Variants in SDK2 observed in about 807,000 individuals in gnomAD.
SDK2 encodes the protein sidekick cell adhesion molecule 2.
Under a neutral mutation model 253.9 loss-of-function variants are expected in SDK2, and 105 were observed. The observed-to-expected ratio is 0.41, with a 90% CI of 0.35 to 0.49. The LOEUF (loss-of-function observed/expected upper bound fraction) is 0.49, where lower values mean the gene tolerates loss of function less well. Among genes scored for constraint, SDK2 ranks in the 20% least tolerant of loss-of-function variants. The pLI is 0.06. For missense variants in SDK2, 2,608 were observed against 3,003.0 expected, an observed-to-expected ratio of 0.87 and a Z score of 3.07; for synonymous variants, 1,249 against 1,234.9, an observed-to-expected ratio of 1.01 and a Z score of -0.24.
In SDK2 at chr17:73,425,994, T is replaced by C. The variant is rs118060723; in HGVS notation, c.1584-1902A>G. Among the ~76,000 whole-genome samples the C allele has an allele frequency of 8.8e-3, 1,339 of 152,234 alleles. 59 individuals carry two copies. In the East Asian group the frequency reaches 0.1, roughly 11 times the overall value. On this transcript the variant is annotated intron_variant, in intron 12 of 44. Coordinates refer to ENST00000392650, the MANE Select transcript of SDK2 (RefSeq NM_001144952.2). The stretch of plus-strand genomic sequence containing the variant: ...GTTACATATTTTAAATGATACAGTA[T>C]ATTTACATGAATGGTATACAGCAAT...
intron 44 of SDK2, among the ~76,000 whole-genome samples, chr17:73,342,107 C>T (rs1218536573): frequency 6.6e-6 from 1 of 151,806 alleles, no homozygotes; most frequent in Non-Finnish European, 1.5e-5. Context: ...CCCCGACTCC[C>T]AGCAGGAATT....
chr17:73,355,086 A>G (rs1354032807), intron 40 of SDK2, among the ~76,000 whole-genome samples: 1 of 145,648 alleles, frequency 6.9e-6, no homozygotes, highest in African/African-American at 2.6e-5. Flanking sequence ...GTCCTTGCAG[A>G]AGGCTCCGGG....
At chr17:73,479,529 G>A (rs1037478985) in intron 2 of SDK2, among the ~76,000 whole-genome samples, 1 of 152,072 alleles carries the variant, frequency 6.6e-6, no homozygotes, top group African/African-American at 2.4e-5. Flanking sequence ...CTCTGTCCAG[G>A]GCGATCAAAA....
intron 15 of SDK2, among the ~76,000 whole-genome samples, chr17:73,419,572 CT>C (rs1267026168): frequency 6.6e-6 from 1 of 151,822 alleles, no homozygotes; most frequent in African/African-American, 2.4e-5. Flanking sequence ...ATGTATATGT[CT>C]TTTAAAAACT....
chr17:73,401,318 T>C (rs1290026848), intron 20 of SDK2, 107 bp from the exon 21 acceptor site: 4 of 1,045,128 alleles, frequency 3.8e-6, no homozygotes, highest in Non-Finnish European at 5.6e-6. Context: ...AGATCCACGC[T>C]GGGAGCAATG....
At position 73,437,763 on chromosome 17, in the gene SDK2, C is replaced by A; in HGVS notation, c.976G>T (p.Val326Leu). 1 of 1,614,020 alleles carries A rather than the reference C, an allele frequency of 6.2e-7. No individual in the cohort carries two copies. Residue 326 changes from valine (V) to leucine (L), a missense_variant, in exon 8 of 45, where the codon GTG becomes TTG. Transcript: ENST00000392650. ...CCTTTGGCCTGACAGGGGATGTCCACCACCTTCTCCATCTCCGCAGTGATG... is the reference window on the plus strand; with the variant it reads ...CCTTTGGCCTGACAGGGGATGTCCAACACCTTCTCCATCTCCGCAGTGATG... ...RHITAEMEKV[V>L]DIPCQAKGVP...
chr17:73,619,850 T>A (rs997324540), intron 1 of SDK2, among the ~76,000 whole-genome samples: 1 of 152,168 alleles, frequency 6.6e-6, no homozygotes, highest in Non-Finnish European at 1.5e-5. Context: ...GTATCCAGAA[T>A]ATGTAATGAA....
intron 18 of SDK2, among the ~76,000 whole-genome samples, chr17:73,412,077 T>C (rs1385845490): frequency 2.1e-5 from 1 of 48,390 alleles, no homozygotes; most frequent in Non-Finnish European, 5.5e-5. Flanking sequence ...TACGTATATA[T>C]GTATATGTAT....
rs1485621120 is a variant in SDK2, at chr17:73,639,451, CG to C, written c.64+4573del. ...TGGGACACCTAGGGGAGGGGGCACC[CG>C]GGGTGTCTCGGCAACCAGCTTGTTT... On this transcript the variant is annotated intron_variant, in intron 1 of 44. Coordinates refer to ENST00000392650, the MANE Select transcript of SDK2 (RefSeq NM_001144952.2). The surrounding 1 kb of genome is among the most constrained non-coding windows in gnomAD (Gnocchi z 4.3). Among the ~76,000 whole-genome samples the C allele has an allele frequency of 6.6e-6, 1 of 152,208 alleles. No individual in the cohort carries two copies. The highest frequency in any genetic ancestry group is 6.5e-5 in the Admixed American group (1 of 15,288).
chr17:73,429,618 T>C (rs1488542416), intron 12 of SDK2, among the ~76,000 whole-genome samples: 1 of 152,244 alleles, frequency 6.6e-6, no homozygotes, highest in Non-Finnish European at 1.5e-5. Context: ...TTTCTCCCAG[T>C]GCAGGAGCGC....
At chr17:73,628,922 A>G (rs1447158097) in intron 1 of SDK2, among the ~76,000 whole-genome samples, 1 of 151,424 alleles carries the variant, frequency 6.6e-6, no homozygotes, top group Non-Finnish European at 1.5e-5. Context: ...CCATGCCCAG[A>G]CCCCCCTGGA....
chr17:73,340,899 A>C (rs2062431006), intron 44 of SDK2, among the ~76,000 whole-genome samples: 1 of 151,708 alleles, frequency 6.6e-6, no homozygotes, highest in African/African-American at 2.4e-5. Context: ...ATGTGCCACC[A>C]CATCTGGCTA....
intron 1 of SDK2, among the ~76,000 whole-genome samples, chr17:73,601,702 G>A (rs1260579997): frequency 6.6e-6 from 1 of 151,972 alleles, no homozygotes; most frequent in African/African-American, 2.4e-5. Flanking sequence ...AACCAACCCT[G>A]CCGACGACAC....
rs1483781445 is a variant in SDK2, at chr17:73,398,028, G to A, written c.3354+7C>T. On this transcript the variant is annotated splice_region_variant and intron_variant, in intron 24 of 44. Transcript: ENST00000392650. ...AGGTCCCACCCCTGCCCTCGAGGGA[G>A]CCTTACCATCCAGCGCAGCCACAGG... 6.2e-7 allele frequency: 1 copy of A among 1,609,944 alleles called. No homozygotes were observed. The highest frequency in any genetic ancestry group is 1.1e-5 in the South Asian group (1 of 91,046).
At chr17:73,428,739 C>T (rs180846474) in intron 12 of SDK2, among the ~76,000 whole-genome samples, 112 of 152,190 alleles carry the variant, frequency 7.4e-4, no homozygotes, top group Non-Finnish European at 1.2e-3. Flanking sequence ...TACCTCAAGA[C>T]GGAGGGTAGA....
Position 73,447,699 on chromosome 17 carries a change from CAG to C in SDK2, c.527_528del (p.Pro176ArgfsTer11). 1 of 1,551,798 alleles carries C rather than the reference CAG, an allele frequency of 6.4e-7. No individual in the cohort carries two copies. The highest frequency in any genetic ancestry group is 8.7e-7 in the Non-Finnish European group (1 of 1,147,008). On this transcript the variant is annotated frameshift_variant, in exon 5 of 45. Coordinates refer to ENST00000392650, the MANE Select transcript of SDK2 (RefSeq NM_001144952.2). LOFTEE classifies it high-confidence loss of function. The surrounding 1 kb of genome is among the most constrained non-coding windows in gnomAD (Gnocchi z 4.0). ...NTLVILSTVAPDAGRYYVQAV... is the reference protein window; with the variant it reads ...NTLVILSTVAXDAGRYYVQAV... Reference sequence around the variant, plus strand: ...GCCTGCACATAGTAGCGACCTGCGTCAGGGGCCACCGTTGACAGGATGACAAG... The same window carrying C: ...GCCTGCACATAGTAGCGACCTGCGTCGGGCCACCGTTGACAGGATGACAAG...
In SDK2 at chr17:73,380,956, G is replaced by C. The variant is rs762270223; in HGVS notation, c.4706-6C>G. On this transcript the variant is annotated splice_region_variant and splice_polypyrimidine_tract_variant and intron_variant, in intron 33 of 44. Transcript: ENST00000392650. ...GTTCCGCATGGAGTACATGGCTATG[G>C]GGTGGGGGTGCCGGGGCGGGGGCGC... 15 of 1,547,866 alleles carry C rather than the reference G, an allele frequency of 9.7e-6. No homozygotes were observed. The highest frequency in any genetic ancestry group is 5.8e-5 in the Admixed American group (3 of 51,826).
At chr17:73,433,682 T>TAC in intron 10 of SDK2, 50 bp downstream of exon 10, 2 of 1,391,208 alleles carry the variant, frequency 1.4e-6, no homozygotes, top group South Asian at 1.2e-5. Flanking sequence ...TTCTGAAGAC[T>TAC]CTTCTAGGCT....
rs529303849 is a variant in SDK2 at position 73,455,180 on chromosome 17, C to A, written c.479+726G>T. Among the ~76,000 whole-genome samples the A allele has an allele frequency of 6.6e-6, 1 of 151,914 alleles. No homozygotes were observed. Among genetic ancestry groups the A allele is most frequent in the East Asian group, 1.9e-4 (1 of 5,150 alleles). On this transcript the variant is annotated intron_variant, in intron 4 of 44. Transcript: ENST00000392650. The surrounding 1 kb of genome is among the most constrained non-coding windows in gnomAD (Gnocchi z 5.0). The stretch of plus-strand genomic sequence containing the variant: ...AGATCAGAAGGTGGTCTTCTGGAAG[C>A]AGGGGAGAGCTGGAGTTGGAAAGAG...
Sources: gnomAD v4.1 joint callset for allele counts (sites outside exome capture counted in the v4.1 genomes callset) on GRCh38, gnomAD v4.1.1 for gene constraint, Gnocchi (gnomAD v3.1) non-coding constraint, MANE v1.5 for transcripts, NCBI Gene and HGNC (gene_info 2026-07-23, HGNC 2026-07-21) for gene names.